Variants in SYN3 observed in about 807,000 individuals in gnomAD.
SYN3 encodes the protein synapsin-3.
Under a neutral mutation model 65.8 loss-of-function variants are expected in SYN3, and 35 were observed. The ratio of observed to expected loss-of-function variants is 0.53; its 90% confidence interval spans 0.41 to 0.70. SYN3 has a LOEUF of 0.70. Among genes scored for constraint, SYN3 ranks in the 30% least tolerant of loss-of-function variants. The pLI is 0.00. For missense variants in SYN3, 680 were observed against 749.0 expected (o/e 0.91, Z 1.08); for synonymous variants, 270 against 292.9 (o/e 0.92, Z 0.80).
chr22:32,642,426 G>T (rs1367062299), intron 6 of SYN3, among the ~76,000 whole-genome samples: 1 of 151,630 alleles, frequency 6.6e-6, no homozygotes, highest in Non-Finnish European at 1.5e-5. Context: ...TTTTGATTTT[G>T]ATTTTTTATC....
chr22:33,001,434 G>A (rs1268011393), intron 2 of SYN3, among the ~76,000 whole-genome samples: 1 of 152,160 alleles, frequency 6.6e-6, no homozygotes, highest in Non-Finnish European at 1.5e-5. Flanking sequence ...ACACTGGAGG[G>A]ACAGATATTA....
At chr22:32,655,564 A>G (rs2060130624) in intron 6 of SYN3, among the ~76,000 whole-genome samples, 1 of 152,098 alleles carries the variant, frequency 6.6e-6, no homozygotes. Context: ...CTCCTGTTAG[A>G]TCAGTAGCGG....
chr22:32,945,272 G>A (rs192685087), intron 3 of SYN3, among the ~76,000 whole-genome samples: 29 of 152,246 alleles, frequency 1.9e-4, no homozygotes, highest in Admixed American at 1.1e-3. Flanking sequence ...GAGGCATCAC[G>A]CTACCTGACT....
At chr22:32,640,918 A>C (rs187958102) in intron 6 of SYN3, among the ~76,000 whole-genome samples, 17 of 152,186 alleles carry the variant, frequency 1.1e-4, no homozygotes, top group Admixed American at 7.9e-4. Context: ...TTCATCTTTG[A>C]TTTAGAAACA....
intron 7 of SYN3, among the ~76,000 whole-genome samples, chr22:32,557,792 TC>T (rs1221383917): frequency 6.6e-6 from 1 of 152,232 alleles, no homozygotes; most frequent in Non-Finnish European, 1.5e-5. Context: ...GTCTGGCACT[TC>T]CTAAACAACC....
intron 6 of SYN3, chr22:32,857,929 C>A (rs574672718): frequency 6.2e-7 from 1 of 1,602,772 alleles, no homozygotes; most frequent in East Asian, 2.2e-5. Flanking sequence ...AGTGCCTGGG[C>A]TAAGTGGGAA....
intron 6 of SYN3, among the ~76,000 whole-genome samples, chr22:32,660,426 G>A (rs1476733538): frequency 6.6e-6 from 1 of 152,138 alleles, no homozygotes; most frequent in Non-Finnish European, 1.5e-5. Flanking sequence ...CCACCAGATG[G>A]CGGCATTCTA....
chr22:32,993,552 G>A (rs925145816), intron 2 of SYN3, among the ~76,000 whole-genome samples: 34 of 152,158 alleles, frequency 2.2e-4, no homozygotes, highest in African/African-American at 8.0e-4. Flanking sequence ...CACCATATTG[G>A]CCAGGCTGGT....
At chr22:32,527,603 G>GAAA in intron 12 of SYN3, 8 of 174,220 alleles carry the variant, frequency 4.6e-5, no homozygotes, top group South Asian at 9.3e-5. Flanking sequence ...TGTCTCAAAA[G>GAAA]AAAAAAAAAA....
At chr22:32,819,506 T>C (rs952485114) in intron 6 of SYN3, among the ~76,000 whole-genome samples, 10 of 152,232 alleles carry the variant, frequency 6.6e-5, no homozygotes, top group Non-Finnish European at 1.2e-4. Context: ...CATTAATACA[T>C]ATGCTATGGA....
intron 6 of SYN3, among the ~76,000 whole-genome samples, chr22:32,850,600 A>T (rs769019504): frequency 1.3e-5 from 2 of 152,104 alleles, no homozygotes; most frequent in African/African-American, 4.8e-5. Flanking sequence ...TAGGAACTAG[A>T]GTCAGGTTGG....
intron 4 of SYN3, among the ~76,000 whole-genome samples, chr22:32,907,476 C>T (rs1027021201): frequency 2.6e-5 from 4 of 152,158 alleles, no homozygotes; most frequent in African/African-American, 7.2e-5. Context: ...AGACATTCAG[C>T]AAATGCCTAC....
chr22:32,691,335 C>T (rs1174242039), intron 6 of SYN3, among the ~76,000 whole-genome samples: 2 of 152,132 alleles, frequency 1.3e-5, no homozygotes, highest in African/African-American at 4.8e-5. Flanking sequence ...AGCTGGTCAC[C>T]CTCTTGAGCT....
chr22:33,005,751 T>C (rs1337150478), intron 2 of SYN3, among the ~76,000 whole-genome samples: 1 of 152,164 alleles, frequency 6.6e-6, no homozygotes, highest in Admixed American at 6.6e-5. Context: ...GATCCCAAGG[T>C]TTGGGATAAG....
At chr22:33,025,041 T>G (rs1363198966) in intron 1 of SYN3, among the ~76,000 whole-genome samples, 1 of 152,118 alleles carries the variant, frequency 6.6e-6, no homozygotes, top group Non-Finnish European at 1.5e-5. Flanking sequence ...TTTGTCTGAG[T>G]CTGACAAAAA....
At chr22:32,654,326 C>G (rs780673416) in intron 6 of SYN3, among the ~76,000 whole-genome samples, 2 of 152,232 alleles carry the variant, frequency 1.3e-5, no homozygotes, top group Non-Finnish European at 2.9e-5. Flanking sequence ...CACTCTGCCA[C>G]ATGTGTCTTC....
intron 6 of SYN3, chr22:32,857,462 G>A: frequency 1.1e-6 from 1 of 887,438 alleles, no homozygotes; most frequent in Non-Finnish European, 1.9e-6. Flanking sequence ...CAAATGTCCA[G>A]TAAATTGTAA....
rs546139849 is a variant in SYN3 at position 32,942,973 on chromosome 22, G to A, written c.370-11492C>T. On this transcript the variant is annotated intron_variant, in intron 3 of 13. Coordinates refer to ENST00000358763, the MANE Select transcript of SYN3 (RefSeq NM_003490.4). ...AAAAAACCAAATCTACGTCTGACTG[G>A]TGTACCTGAAAGTGACTGAGAGAAT... 3.9e-5 allele frequency among the ~76,000 whole-genome samples: 6 copies of A among 152,312 alleles called. 1 individual carries two copies. In the East Asian group the frequency reaches 1.2e-3, roughly 29 times the overall value.
chr22:32,616,273 G>T (rs1010787411), intron 6 of SYN3, among the ~76,000 whole-genome samples: 18 of 152,140 alleles, frequency 1.2e-4, no homozygotes, highest in Non-Finnish European at 2.9e-5. Context: ...TTTACTGCAG[G>T]CTCAGTGGCC....
Sources: allele counts gnomAD v4.1 joint callset (sites outside exome capture counted in the v4.1 genomes callset), GRCh38; gene constraint gnomAD v4.1.1; transcripts MANE v1.5; gene names NCBI Gene and HGNC (gene_info 2026-07-23, HGNC 2026-07-21).